PPFIA2: variants seen among roughly 807,000 people sequenced by gnomAD.
The protein encoded by PPFIA2 is liprin-alpha-2.
Under a neutral mutation model 175.5 loss-of-function variants are expected in PPFIA2, and 46 were observed. The ratio of observed to expected loss-of-function variants is 0.26; its 90% CI spans 0.21 to 0.34. The LOEUF is 0.34. PPFIA2 is among the 10% of genes least tolerant of loss of function. PPFIA2 has a pLI of 1.00. For synonymous variants in PPFIA2, 568 were observed against 511.4 expected (o/e 1.11, Z -1.49); for missense variants, 1,179 against 1,506.1 (o/e 0.78, Z 3.60).
chr12:81,471,567 T>C (rs1391920495), intron 4 of PPFIA2, among the ~76,000 whole-genome samples: 1 of 152,046 alleles, frequency 6.6e-6, no homozygotes, highest in African/African-American at 2.4e-5. Flanking sequence ...TAGGTTGTTT[T>C]AATTTCTTGG....
At chr12:81,491,205 C>CTTTTTTT (rs769765539) in intron 4 of PPFIA2, among the ~76,000 whole-genome samples, 1 of 130,256 alleles carries the variant, frequency 7.7e-6, no homozygotes, top group Admixed American at 7.7e-5. Context: ...TCTGGAATTA[C>CTTTTTTT]TTTTTTTGTT....
At chr12:81,494,549 A>T (rs1159005806) in intron 4 of PPFIA2, among the ~76,000 whole-genome samples, 1 of 151,146 alleles carries the variant, frequency 6.6e-6, no homozygotes, top group Admixed American at 6.6e-5. Context: ...TTCCTCAGGG[A>T]TCTAGAACTA....
At chr12:81,534,039 A>G (rs2065031146) in intron 4 of PPFIA2, among the ~76,000 whole-genome samples, 1 of 151,702 alleles carries the variant, frequency 6.6e-6, no homozygotes, top group African/African-American at 2.4e-5. Context: ...TATGTAGGTC[A>G]TTAGGTTAAG....
chr12:81,758,764 C>G (rs1337587388), intron 1 of PPFIA2: 1 of 157,132 alleles, frequency 6.4e-6, no homozygotes, highest in African/African-American at 2.4e-5. Flanking sequence ...GCCAGAACAG[C>G]CGCAGCTCCC....
chr12:81,425,652 G>C (rs2144116787), intron 7 of PPFIA2, among the ~76,000 whole-genome samples: 1 of 152,290 alleles, frequency 6.6e-6, no homozygotes, highest in Admixed American at 6.5e-5. Flanking sequence ...GGGATTACGG[G>C]CGTGAGCCAC....
chr12:81,437,480 G>T (rs756126515), intron 7 of PPFIA2, among the ~76,000 whole-genome samples: 20 of 152,032 alleles, frequency 1.3e-4, no homozygotes, highest in Non-Finnish European at 2.8e-4. Flanking sequence ...TGATCCACCC[G>T]CCTCGGCCTC....
chr12:81,427,687 G>A (rs2047386945), intron 7 of PPFIA2, among the ~76,000 whole-genome samples: 1 of 151,956 alleles, frequency 6.6e-6, no homozygotes, highest in Admixed American at 6.6e-5. Flanking sequence ...CACATTCAAA[G>A]TATCAACAGA....
chr12:81,650,072 C>T (rs1053256915), intron 4 of PPFIA2, among the ~76,000 whole-genome samples: 12 of 151,336 alleles, frequency 7.9e-5, no homozygotes, highest in Non-Finnish European at 1.6e-4. Context: ...TGCAGTGGTG[C>T]GATCTTGGCT....
intron 4 of PPFIA2, among the ~76,000 whole-genome samples, chr12:81,491,706 G>A (rs1408164925): frequency 1.3e-5 from 2 of 151,904 alleles, no homozygotes; most frequent in Admixed American, 1.3e-4. Context: ...CCAGAATTGT[G>A]AGAAATAAAT....
chr12:81,279,165 G>A (rs2041412353), intron 27 of PPFIA2: 1 of 152,070 alleles, frequency 6.6e-6, no homozygotes, highest in African/African-American at 2.4e-5. Context: ...TTGGACACTT[G>A]GTGACAACAG....
chr12:81,306,399 C>T (rs1357486137), intron 22 of PPFIA2, among the ~76,000 whole-genome samples: 1 of 152,204 alleles, frequency 6.6e-6, no homozygotes, highest in East Asian at 1.9e-4. Context: ...AAGCTGATAA[C>T]CCATCTAATA....
At chr12:81,544,477 C>A (rs1041535859) in intron 4 of PPFIA2, among the ~76,000 whole-genome samples, 2 of 152,104 alleles carry the variant, frequency 1.3e-5, no homozygotes, top group Non-Finnish European at 2.9e-5. Flanking sequence ...AATGGGGCAG[C>A]CCAACATACT....
intron 4 of PPFIA2, among the ~76,000 whole-genome samples, chr12:81,466,043 C>T (rs1468203642): frequency 6.6e-6 from 1 of 152,110 alleles, no homozygotes; most frequent in Non-Finnish European, 1.5e-5. Context: ...CTGTGCAAAA[C>T]AGTAATGTCT....
intron 4 of PPFIA2, among the ~76,000 whole-genome samples, chr12:81,525,202 C>T (rs181194917): frequency 7.1e-4 from 108 of 152,270 alleles, no homozygotes; most frequent in Non-Finnish European, 1.1e-3. Context: ...ATCCTATGGA[C>T]AAGGTCAAGA....
chr12:81,648,682 C>T (rs1046657050), intron 4 of PPFIA2, among the ~76,000 whole-genome samples: 5 of 150,808 alleles, frequency 3.3e-5, no homozygotes, highest in Admixed American at 3.3e-4. Context: ...AACGTGAAGG[C>T]CTTTATTAAG....
At chr12:81,627,955 G>T (rs2062915135) in intron 4 of PPFIA2, among the ~76,000 whole-genome samples, 1 of 151,994 alleles carries the variant, frequency 6.6e-6, no homozygotes, top group Admixed American at 6.6e-5. Flanking sequence ...AATCTTGATT[G>T]CTGAAAATTC....
At chr12:81,323,415 G>T (rs2054102996) in intron 22 of PPFIA2, among the ~76,000 whole-genome samples, 2 of 151,944 alleles carry the variant, frequency 1.3e-5, no homozygotes, top group African/African-American at 4.8e-5. Context: ...TCAACATTAT[G>T]AAAAATGTTG....
intron 4 of PPFIA2, among the ~76,000 whole-genome samples, chr12:81,462,286 CAT>C (rs71881439): frequency 0.26 from 35,890 of 135,732 alleles, 7,184 homozygotes; most frequent in African/African-American, 0.54. Flanking sequence ...TGTTAGAAAA[CAT>C]ATATATATAT....
intron 4 of PPFIA2, among the ~76,000 whole-genome samples, chr12:81,662,862 G>A (rs1048851876): frequency 6.6e-6 from 1 of 152,168 alleles, no homozygotes; most frequent in Non-Finnish European, 1.5e-5. Context: ...CCATGATCAA[G>A]TGGGCTTCAT....
Sources: allele counts gnomAD v4.1 joint callset (sites outside exome capture counted in the v4.1 genomes callset), GRCh38; gene constraint gnomAD v4.1.1; transcripts MANE v1.5; gene names NCBI Gene and HGNC (gene_info 2026-07-23, HGNC 2026-07-21).